The following CERS6 variants were observed in gnomAD, a reference collection of about 807,000 sequenced individuals.
The protein encoded by CERS6 is LAG1 homolog, ceramide synthase 6.
CERS6 carries 26 observed loss-of-function variants against 56.8 expected under a neutral mutation model. The ratio of observed to expected loss-of-function variants is 0.46; its 90% CI spans 0.34 to 0.63. CERS6 has a LOEUF of 0.63. CERS6 is among the 30% of genes least tolerant of loss of function. CERS6 has a pLI of 0.01. For missense variants in CERS6, 415 were observed against 467.5 expected, an observed-to-expected ratio of 0.89 and a Z score of 1.04; for synonymous variants, 164 against 173.3, an observed-to-expected ratio of 0.95 and a Z score of 0.42.
intron 4 of CERS6, among the ~76,000 whole-genome samples, chr2:168,674,777 C>G (rs939171255): frequency 1.3e-5 from 2 of 152,060 alleles, no homozygotes; most frequent in Non-Finnish European, 2.9e-5. Context: ...GGGTTTTTTT[C>G]TTTTCTTGAT....
chr2:168,531,666 A>G (rs1480624054), intron 1 of CERS6, among the ~76,000 whole-genome samples: 2 of 152,124 alleles, frequency 1.3e-5, no homozygotes, highest in Non-Finnish European at 2.9e-5. Flanking sequence ...TACTAAAAAT[A>G]CAAAATTAGC....
chr2:168,550,878 C>A (rs979933101), intron 2 of CERS6, among the ~76,000 whole-genome samples: 1 of 152,184 alleles, frequency 6.6e-6, no homozygotes, highest in African/African-American at 2.4e-5. Context: ...CGGCCCTCCA[C>A]TGGGGGCTGA....
In CERS6 at chr2:168,724,828, G is replaced by A. The variant is rs1354689955; in HGVS notation, c.845+6850G>A. ...CCCCACCAGACTCAGGAGCCCAGCT[G>A]GCTTCACACAGTGGATCCCCCACCG... On this transcript the variant is annotated intron_variant, in intron 8 of 9. Transcript: ENST00000305747. 2.6e-5 allele frequency among the ~76,000 whole-genome samples: 4 copies of A among 152,248 alleles called. No individual in the cohort carries two copies. In the East Asian group the frequency reaches 7.7e-4, roughly 29 times the overall value.
intron 1 of CERS6, among the ~76,000 whole-genome samples, chr2:168,462,881 G>A (rs1478293127): frequency 6.6e-6 from 1 of 152,152 alleles, no homozygotes; most frequent in East Asian, 1.9e-4. Context: ...TACTAATGCT[G>A]TGGATGATTG....
At chr2:168,534,788 C>T (rs1485997643) in intron 1 of CERS6, among the ~76,000 whole-genome samples, 2 of 152,204 alleles carry the variant, frequency 1.3e-5, no homozygotes, top group East Asian at 1.9e-4. Context: ...TGGGGAAACA[C>T]AGTCATCTGG....
chr2:168,673,753 A>G (rs530685166), intron 4 of CERS6, among the ~76,000 whole-genome samples: 2 of 152,176 alleles, frequency 1.3e-5, no homozygotes, highest in East Asian at 1.9e-4. Context: ...TTGTCTCTCT[A>G]CTCTGGATTC....
chr2:168,456,767 C>A lies in CERS6; in HGVS notation c.170+149C>A. The A allele has an allele frequency of 1.1e-5, 8 of 722,056 alleles. No individual in the cohort carries two copies. The highest frequency in any genetic ancestry group is 2.9e-5 in the Admixed American group (1 of 34,752). 44.7% of individuals were successfully genotyped at this position (722,056 alleles called of 1,614,324 possible). On this transcript the variant is annotated intron_variant, in intron 1 of 9. Coordinates refer to ENST00000305747, the MANE Select transcript of CERS6 (RefSeq NM_203463.3). The surrounding 1 kb of genome is among the most constrained non-coding windows in gnomAD (Gnocchi z 4.1). ...TGTTCGGGGAGGGGTTGCTGACCCCCCTGCCCCGCTGGCTTTCTGGGAGCC... is the reference window on the plus strand; with the variant it reads ...TGTTCGGGGAGGGGTTGCTGACCCCACTGCCCCGCTGGCTTTCTGGGAGCC...
intron 3 of CERS6, among the ~76,000 whole-genome samples, chr2:168,611,438 G>T (rs937661599): frequency 6.6e-6 from 1 of 152,164 alleles, no homozygotes; most frequent in African/African-American, 2.4e-5. Flanking sequence ...CAGTTTAAAG[G>T]TCTTACATGA....
chr2:168,463,192 A>G (rs1331634916), intron 1 of CERS6, among the ~76,000 whole-genome samples: 2 of 152,218 alleles, frequency 1.3e-5, no homozygotes, highest in Non-Finnish European at 2.9e-5. Context: ...ATTTGGAACT[A>G]GGTTTCTTGA....
rs78871500 is a variant in CERS6, at chr2:168,457,564, A to G, written c.170+946A>G. Among the ~76,000 whole-genome samples, 1,029 of 152,238 alleles carry G rather than the reference A, an allele frequency of 6.8e-3. 17 individuals are homozygous for G. The highest frequency in any genetic ancestry group is 0.023 in the African/African-American group (952 of 41,530). ...CACTTTTTTTTTCGTAACAGAAAAT[A>G]TTATCTTCCCCTTTCTTGTACCCTC... On this transcript the variant is annotated intron_variant, in intron 1 of 9. Coordinates refer to ENST00000305747, the MANE Select transcript of CERS6 (RefSeq NM_203463.3).
rs1314132349 is a variant in CERS6 at position 168,713,447 on chromosome 2, C to T, written c.610-1554C>T. 2.6e-5 allele frequency among the ~76,000 whole-genome samples: 4 copies of T among 152,126 alleles called. No homozygotes were observed. In the South Asian group the frequency reaches 6.2e-4, roughly 24 times the overall value. ...TAAGTCTCAAAGAAATTCAGACTTACTCTGAGAGAGATATATAGATTAGAT... is the reference window on the plus strand; with the variant it reads ...TAAGTCTCAAAGAAATTCAGACTTATTCTGAGAGAGATATATAGATTAGAT... On this transcript the variant is annotated intron_variant, in intron 6 of 9. Transcript: ENST00000305747.
At chr2:168,493,119 A>AT (rs1389024627) in intron 1 of CERS6, among the ~76,000 whole-genome samples, 1 of 152,030 alleles carries the variant, frequency 6.6e-6, no homozygotes, top group Non-Finnish European at 1.5e-5. Context: ...TGCAAACATA[A>AT]TTTTTTATGC....
intron 8 of CERS6, among the ~76,000 whole-genome samples, chr2:168,733,640 G>C (rs1254475970): frequency 1.3e-5 from 2 of 152,214 alleles, no homozygotes; most frequent in East Asian, 3.9e-4. Context: ...AGTATATAAA[G>C]TTAAGAGATA....
intron 3 of CERS6, among the ~76,000 whole-genome samples, chr2:168,573,954 C>T (rs959004479): frequency 2.6e-5 from 4 of 152,184 alleles, no homozygotes; most frequent in African/African-American, 9.7e-5. Flanking sequence ...ATTAAAACTG[C>T]ACCTGTAGCA....
At chr2:168,523,004 A>G (rs1162174735) in intron 1 of CERS6, among the ~76,000 whole-genome samples, 11 of 152,274 alleles carry the variant, frequency 7.2e-5, no homozygotes, top group Non-Finnish European at 1.2e-4. Flanking sequence ...GATACTATTG[A>G]TAGCTGTATT....
intron 3 of CERS6, among the ~76,000 whole-genome samples, chr2:168,600,778 A>G (rs1302306242): frequency 1.3e-5 from 2 of 152,172 alleles, no homozygotes; most frequent in Non-Finnish European, 1.5e-5. Flanking sequence ...TATGGTATCT[A>G]ATGCAATTGC....
intron 1 of CERS6, among the ~76,000 whole-genome samples, chr2:168,477,621 G>A (rs1409795288): frequency 1.3e-5 from 2 of 152,108 alleles, no homozygotes; most frequent in African/African-American, 4.8e-5. Flanking sequence ...GGCAACTTTT[G>A]TACGTCTTTC....
intron 5 of CERS6, 113 bp downstream of exon 5, chr2:168,691,197 C>G: frequency 1.2e-6 from 1 of 863,230 alleles, no homozygotes; most frequent in Non-Finnish European, 2.0e-6. Flanking sequence ...ATTTTTGGCC[C>G]CACTCCCGCT....
At chr2:168,673,155 T>G (rs1034046880) in intron 4 of CERS6, among the ~76,000 whole-genome samples, 2 of 152,214 alleles carry the variant, frequency 1.3e-5, no homozygotes, top group African/African-American at 4.8e-5. Flanking sequence ...TCATCAAATT[T>G]TCATCAGTGT....
Sources: allele counts gnomAD v4.1 joint callset (sites outside exome capture counted in the v4.1 genomes callset), GRCh38; gene constraint gnomAD v4.1.1; non-coding constraint Gnocchi (gnomAD v3.1); transcripts MANE v1.5; gene names NCBI Gene and HGNC (gene_info 2026-07-23, HGNC 2026-07-21).